The following HDAC8 variants were observed in gnomAD, a reference collection of about 807,000 sequenced individuals.
The protein encoded by HDAC8 is histone deacetylase 8.
Under a neutral mutation model 32.2 loss-of-function variants are expected in HDAC8, and 1 was observed. That is an observed-to-expected ratio of 0.03 (90% CI 0.01 to 0.15). The LOEUF is 0.15. HDAC8 is among the 10% of genes least tolerant of loss of function. The pLI is 1.00. For synonymous variants in HDAC8, 108 were observed against 113.9 expected (o/e 0.95, Z 0.33); for missense variants, 117 against 300.0 (o/e 0.39, Z 4.51).
chrX:72,470,703 G>A (rs1295792358), intron 7 of HDAC8, among the ~76,000 whole-genome samples: 10 of 111,453 alleles, frequency 9.0e-5, no homozygotes, highest in Admixed American at 3.8e-4. Flanking sequence ...GAGACCTCTC[G>A]ATTACCATAT....
At chrX:72,446,126 G>C (rs1305913550) in intron 9 of HDAC8, among the ~76,000 whole-genome samples, 1 of 112,322 alleles carries the variant, frequency 8.9e-6, no homozygotes, top group East Asian at 2.8e-4. Context: ...AGTCAGTGTG[G>C]TGATTCCCCA....
chrX:72,329,625 G>A lies in HDAC8; in HGVS notation c.*429C>T. 1.7e-6 allele frequency: 2 copies of A among 1,161,626 alleles called. No homozygotes were observed. The highest frequency in any genetic ancestry group is 3.8e-5 in the South Asian group (2 of 52,089). Reference sequence around the variant, plus strand: ...GCTGATCAGTACCCTCTCTCCCAGGGCTCCACCTGGATGGTCCTGAGGCCC... The same window carrying A: ...GCTGATCAGTACCCTCTCTCCCAGGACTCCACCTGGATGGTCCTGAGGCCC... On this transcript the variant is annotated 3_prime_UTR_variant, in exon 11 of 11. Transcript: ENST00000373573.
intron 4 of HDAC8, among the ~76,000 whole-genome samples, chrX:72,566,165 A>T (rs1193069761): frequency 2.7e-5 from 3 of 109,296 alleles, no homozygotes; most frequent in Middle Eastern, 4.2e-3. Flanking sequence ...CAAAACAAGA[A>T]AGAAAGAAAG....
chrX:72,502,210 T>C (rs917925828), intron 4 of HDAC8, among the ~76,000 whole-genome samples: 9 of 111,956 alleles, frequency 8.0e-5, no homozygotes, highest in Middle Eastern at 9.1e-3. Flanking sequence ...GAAAGCAGTA[T>C]GGTGATTTCT....
intron 4 of HDAC8, among the ~76,000 whole-genome samples, chrX:72,516,671 T>G (rs977565155): frequency 2.7e-5 from 3 of 111,986 alleles, no homozygotes; most frequent in Non-Finnish European, 5.6e-5. Flanking sequence ...CAGACACACA[T>G]TAAACACTTA....
At chrX:72,474,787 G>T in intron 7 of HDAC8, 1 of 743,184 alleles carries the variant, frequency 1.3e-6, no homozygotes, top group Non-Finnish European at 2.0e-6. Context: ...TAAAAGAAAA[G>T]CCCAAGAACA....
At chrX:72,370,888 G>T (rs1555956178) in intron 9 of HDAC8, among the ~76,000 whole-genome samples, 2 of 111,681 alleles carry the variant, frequency 1.8e-5, no homozygotes, top group African/African-American at 3.3e-5. Context: ...TGATTAGATT[G>T]TGTCCACCCA....
intron 4 of HDAC8, among the ~76,000 whole-genome samples, chrX:72,500,509 C>A (rs1216798007): frequency 8.9e-6 from 1 of 111,926 alleles, no homozygotes; most frequent in Admixed American, 9.5e-5. Flanking sequence ...ATCACATAAA[C>A]AGAACTAAAG....
chrX:72,533,020 T>C (rs1453636299), intron 4 of HDAC8, among the ~76,000 whole-genome samples: 1 of 111,914 alleles, frequency 8.9e-6, no homozygotes, highest in East Asian at 2.8e-4. Context: ...CTTTGATCTA[T>C]TTTGACTTAA....
intron 9 of HDAC8, among the ~76,000 whole-genome samples, chrX:72,453,460 A>AGAAAGAAAAGAAAGAAAG (rs2047627646): frequency 2.3e-5 from 1 of 43,496 alleles, no homozygotes; most frequent in African/African-American, 1.1e-4. Context: ...CTGTCTCTTA[A>AGAAAGAAAAGAAAGAAAG]AAATAAAGAA....
chrX:72,353,824 C>T (rs533005629), intron 9 of HDAC8, among the ~76,000 whole-genome samples: 3 of 111,757 alleles, frequency 2.7e-5, no homozygotes, highest in South Asian at 7.6e-4. Context: ...CTGGCATCAA[C>T]GTGCTATAAA....
intron 4 of HDAC8, among the ~76,000 whole-genome samples, chrX:72,503,954 C>G (rs1349640838): frequency 3.6e-5 from 4 of 111,885 alleles, no homozygotes; most frequent in African/African-American, 1.3e-4. Flanking sequence ...TTGTCGACCT[C>G]AAAAAGAGAA....
At chrX:72,364,444 C>A (rs891578881) in intron 9 of HDAC8, among the ~76,000 whole-genome samples, 8 of 112,001 alleles carry the variant, frequency 7.1e-5, no homozygotes, top group Non-Finnish European at 7.5e-5. Context: ...CATTTATAAT[C>A]ATCTGCTGGA....
At chrX:72,351,918 G>T in intron 9 of HDAC8, 80 bp from the exon 10 acceptor site, 1 of 697,656 alleles carries the variant, frequency 1.4e-6, no homozygotes, top group Non-Finnish European at 2.2e-6. Context: ...ACAATCAAAA[G>T]AAACTCATAC....
chrX:72,341,379 T>G (rs933807150), intron 10 of HDAC8, among the ~76,000 whole-genome samples: 2 of 111,973 alleles, frequency 1.8e-5, no homozygotes, highest in African/African-American at 3.3e-5. Context: ...CTGCTATTGT[T>G]GCTGCCATAG....
At chrX:72,503,267 C>T (rs1556017122) in intron 4 of HDAC8, among the ~76,000 whole-genome samples, 1 of 111,903 alleles carries the variant, frequency 8.9e-6, no homozygotes. Flanking sequence ...TGTGTACAGG[C>T]TTATGATGAG....
At chrX:72,504,596 G>A (rs1398747959) in intron 4 of HDAC8, among the ~76,000 whole-genome samples, 1 of 111,483 alleles carries the variant, frequency 9.0e-6, no homozygotes, top group Non-Finnish European at 1.9e-5. Context: ...ATCTGTTGAC[G>A]AATGGGTAAC....
intron 4 of HDAC8, among the ~76,000 whole-genome samples, chrX:72,560,126 G>A (rs1041418265): frequency 8.9e-6 from 1 of 112,549 alleles, no homozygotes; most frequent in Non-Finnish European, 1.9e-5. Flanking sequence ...TAGAAAAGGG[G>A]GAAATGTGGG....
At chrX:72,518,715 T>A (rs1242776022) in intron 4 of HDAC8, among the ~76,000 whole-genome samples, 5 of 111,832 alleles carry the variant, frequency 4.5e-5, no homozygotes, top group African/African-American at 1.3e-4. Context: ...AGAAATCCCC[T>A]GTGCTTTAGC....
Sources: gnomAD v4.1 joint callset for allele counts (sites outside exome capture counted in the v4.1 genomes callset) on GRCh38, gnomAD v4.1.1 for gene constraint, MANE v1.5 for transcripts, NCBI Gene and HGNC (gene_info 2026-07-23, HGNC 2026-07-21) for gene names.